BMPER: variants seen among roughly 807,000 people sequenced by gnomAD.
BMPER encodes BMP binding endothelial regulator.
BMPER carries 45 observed loss-of-function variants against 87.3 expected under a neutral mutation model. That is an observed-to-expected ratio of 0.52 (90% CI 0.41 to 0.66). BMPER has a LOEUF of 0.66. Among genes scored for constraint, BMPER ranks in the 30% least tolerant of loss-of-function variants. BMPER has a pLI of 0.00. For missense variants in BMPER, 784 were observed against 867.5 expected, an observed-to-expected ratio of 0.90 and a Z score of 1.21; for synonymous variants, 326 against 316.2, an observed-to-expected ratio of 1.03 and a Z score of -0.33.
At position 34,044,787 on chromosome 7, in the gene BMPER, A is replaced by T. The variant is rs1268356306; in HGVS notation, c.577-1519A>T. Among the ~76,000 whole-genome samples, 3 of 152,208 alleles carry T rather than the reference A, an allele frequency of 2.0e-5. No individual in the cohort carries two copies. The East Asian group carries it at 5.8e-4, about 29-fold the overall frequency. On this transcript the variant is annotated intron_variant, in intron 6 of 14. Transcript: ENST00000649409. ...TCCAACATTAAAGAGGTGAAAAAAA[A>T]TAGCAAATATTTTAAAAGACATATA...
rs183513134 is a variant in BMPER at position 33,964,037 on chromosome 7, T to G, written c.320-2442T>G. The stretch of plus-strand genomic sequence containing the variant: ...AGAATTAATTGTAAAGAAATTTATC[T>G]AACAGAAAATAAGTCATTTATTTTT... On this transcript the variant is annotated intron_variant, in intron 3 of 14. Coordinates refer to ENST00000649409, the MANE Select transcript of BMPER (RefSeq NM_001365308.1). Among the ~76,000 whole-genome samples the G allele has an allele frequency of 1.4e-3, 220 of 152,322 alleles. 2 individuals carry two copies. Among genetic ancestry groups the G allele is most frequent in the Non-Finnish European group, 2.5e-3 (168 of 68,016 alleles).
rs114965688 is a variant in BMPER at position 34,128,396 on chromosome 7, A to T, written c.1746-14834A>T. ...TTACAACCTATTTTGGCACATTGTG[A>T]AGTTTGGAGTAAGTACCCCGCCTTA... On this transcript the variant is annotated intron_variant, in intron 13 of 14. Coordinates refer to ENST00000649409, the MANE Select transcript of BMPER (RefSeq NM_001365308.1). Among the ~76,000 whole-genome samples the T allele has an allele frequency of 4.8e-3, 738 of 152,230 alleles. 6 individuals are homozygous for T. The highest frequency in any genetic ancestry group is 0.016 in the African/African-American group (659 of 41,530).
chr7:34,030,291 T>C (rs762226463), intron 6 of BMPER, among the ~76,000 whole-genome samples: 1 of 152,070 alleles, frequency 6.6e-6, no homozygotes, highest in Non-Finnish European at 1.5e-5. Context: ...GAAAGACCTA[T>C]AGTAGTAAAA....
intron 11 of BMPER, among the ~76,000 whole-genome samples, chr7:34,076,359 T>C (rs765046276): frequency 1.3e-5 from 2 of 152,158 alleles, no homozygotes; most frequent in Non-Finnish European, 2.9e-5. Context: ...AAGAAAGTAA[T>C]GTCACTTATG....
chr7:34,050,276 A>C (rs1788114275), intron 7 of BMPER, among the ~76,000 whole-genome samples: 1 of 152,212 alleles, frequency 6.6e-6, no homozygotes, highest in Non-Finnish European at 1.5e-5. Flanking sequence ...TGACATGGCA[A>C]TGTGGTATTG....
chr7:34,061,891 G>C, intron 10 of BMPER, 111 bp from the exon 11 acceptor site: 1 of 909,332 alleles, frequency 1.1e-6, no homozygotes. Context: ...AGCTTGGACT[G>C]ATTTCATTGG....
chr7:33,991,457 G>T lies in BMPER; in HGVS notation c.576+16673G>T, dbSNP rs545312055. Among the ~76,000 whole-genome samples, 31 of 152,194 alleles carry T rather than the reference G, an allele frequency of 2.0e-4. 1 individual carries two copies. The South Asian group carries it at 6.2e-3, about 31-fold the overall frequency. On this transcript the variant is annotated intron_variant, in intron 6 of 14. Transcript: ENST00000649409. ...AGTTTGTATTTCTGTGGGATCGGTGGTGATATCCCCTGTATCATTTTTTAT... is the reference window on the plus strand; with the variant it reads ...AGTTTGTATTTCTGTGGGATCGGTGTTGATATCCCCTGTATCATTTTTTAT...
At chr7:34,009,228 A>G (rs1472085747) in intron 6 of BMPER, among the ~76,000 whole-genome samples, 1 of 151,960 alleles carries the variant, frequency 6.6e-6, no homozygotes, top group African/African-American at 2.4e-5. Flanking sequence ...ATTAAAAGTA[A>G]GATTAACATA....
intron 3 of BMPER, among the ~76,000 whole-genome samples, chr7:33,941,467 C>A (rs1231822097): frequency 6.6e-6 from 1 of 151,842 alleles, no homozygotes; most frequent in Non-Finnish European, 1.5e-5. Context: ...ATTATTATTA[C>A]ATTGTAATGT....
intron 2 of BMPER, among the ~76,000 whole-genome samples, chr7:33,935,988 C>G (rs1378162067): frequency 6.6e-6 from 1 of 152,042 alleles, no homozygotes; most frequent in Admixed American, 6.6e-5. Context: ...AAGGCCCAAC[C>G]CTCCCCGTAG....
At chr7:33,975,325 A>C (rs1336747797) in intron 6 of BMPER, among the ~76,000 whole-genome samples, 3 of 152,136 alleles carry the variant, frequency 2.0e-5, no homozygotes, top group Non-Finnish European at 4.4e-5. Context: ...GAGGGGTGAG[A>C]ACCTGGTCTG....
At chr7:33,944,967 A>C (rs1476444992) in intron 3 of BMPER, among the ~76,000 whole-genome samples, 2 of 152,018 alleles carry the variant, frequency 1.3e-5, no homozygotes, top group Admixed American at 6.6e-5. Context: ...TTTATGATGG[A>C]GTCTCGCTCT....
At chr7:34,038,636 T>G (rs1185874638) in intron 6 of BMPER, among the ~76,000 whole-genome samples, 1 of 152,226 alleles carries the variant, frequency 6.6e-6, no homozygotes, top group Non-Finnish European at 1.5e-5. Context: ...TGTTTCAGGC[T>G]TGGTTCTCAA....
At chr7:34,020,628 A>G (rs1164671892) in intron 6 of BMPER, among the ~76,000 whole-genome samples, 3 of 151,932 alleles carry the variant, frequency 2.0e-5, no homozygotes, top group African/African-American at 7.2e-5. Context: ...TCAGATTTGG[A>G]GAAAATAAAA....
chr7:34,152,163 A>G (rs1180471002), intron 14 of BMPER, among the ~76,000 whole-genome samples: 1 of 152,202 alleles, frequency 6.6e-6, no homozygotes, highest in Admixed American at 6.5e-5. Context: ...GAGGCATTGA[A>G]GCTGAGAATG....
At chr7:34,050,443 G>T (rs1788119946) in intron 7 of BMPER, among the ~76,000 whole-genome samples, 1 of 152,128 alleles carries the variant, frequency 6.6e-6, no homozygotes, top group Admixed American at 6.5e-5. Flanking sequence ...TAATGATTTA[G>T]TTCTGCATCT....
chr7:34,145,776 T>C (rs1359285459), intron 14 of BMPER, among the ~76,000 whole-genome samples: 1 of 152,192 alleles, frequency 6.6e-6, no homozygotes, highest in East Asian at 1.9e-4. Context: ...ATATGATCCT[T>C]CTCTTCCTGG....
At chr7:33,954,431 G>C (rs1014638378) in intron 3 of BMPER, among the ~76,000 whole-genome samples, 2 of 152,046 alleles carry the variant, frequency 1.3e-5, no homozygotes, top group South Asian at 4.2e-4. Context: ...TTATCTTCCC[G>C]GCACTGTTTT....
intron 7 of BMPER, among the ~76,000 whole-genome samples, chr7:34,049,905 A>G (rs953767525): frequency 2.0e-5 from 3 of 152,164 alleles, no homozygotes; most frequent in Non-Finnish European, 2.9e-5. Context: ...ACAAAAAATA[A>G]CTGCTCATTC....
Sources: gnomAD v4.1 joint callset for allele counts (sites outside exome capture counted in the v4.1 genomes callset) on GRCh38, gnomAD v4.1.1 for gene constraint, MANE v1.5 for transcripts, NCBI Gene and HGNC (gene_info 2026-07-23, HGNC 2026-07-21) for gene names.